Variants in CUTC observed in about 807,000 individuals in gnomAD.
CUTC encodes copper homeostasis protein cutC homolog.
A neutral mutation model predicts 36.2 loss-of-function variants in CUTC; 27 were observed. The observed-to-expected ratio is 0.75, with a 90% confidence interval of 0.55 to 1.03. The LOEUF (loss-of-function observed/expected upper bound fraction) is 1.03. Among genes scored for constraint, CUTC ranks in the 50% least tolerant of loss-of-function variants. The probability of loss-of-function intolerance (pLI) is 0.00; values close to 1 mark genes in which losing one functional copy is unlikely to be tolerated. For missense variants in CUTC, 315 were observed against 343.5 expected (o/e 0.92, Z 0.66); for synonymous variants, 114 against 118.3 (o/e 0.96, Z 0.24).
chr10:99,734,681 CA>C (rs1295164309), intron 1 of CUTC, among the ~76,000 whole-genome samples: 1 of 152,100 alleles, frequency 6.6e-6, no homozygotes, highest in Non-Finnish European at 1.5e-5. Flanking sequence ...CTGTTTACAT[CA>C]CACTTTGTAA....
At chr10:99,747,154 AGTAC>A in intron 5 of CUTC, 99 bp from the exon 6 acceptor site, 1 of 1,284,038 alleles carries the variant, frequency 7.8e-7, no homozygotes, top group Non-Finnish European at 1.1e-6. Context: ...TTTGTAAGCC[AGTAC>A]AAGCTAGGTC....
At position 99,739,712 on chromosome 10, in the gene CUTC, G is replaced by A; in HGVS notation, c.136G>A (p.Ala46Thr). Residue 46 changes from alanine (A) to threonine (T), a missense_variant and splice_region_variant, in exon 3 of 9, where the codon GCT becomes ACT. Coordinates refer to ENST00000370476, the MANE Select transcript of CUTC (RefSeq NM_015960.3). ...ESAVNAERGG[A>T]DRIELCSGLS... ...TGAGCAATGCTTTTATATTACAGGT[G>A]CTGATCGGATTGAATTATGTTCTGG... 6.2e-7 allele frequency: 1 copy of A among 1,610,818 alleles called. No homozygotes were observed. The highest frequency in any genetic ancestry group is 8.5e-7 in the Non-Finnish European group (1 of 1,178,914).
chr10:99,736,423 CATA>C, intron 2 of CUTC, 106 bp downstream of exon 2: 1 of 778,124 alleles, frequency 1.3e-6, no homozygotes, highest in Non-Finnish European at 2.1e-6. Flanking sequence ...AAGCATCCCT[CATA>C]ATGCTTTCAG....
At chr10:99,734,577 T>A (rs1443012414) in intron 1 of CUTC, among the ~76,000 whole-genome samples, 1 of 152,154 alleles carries the variant, frequency 6.6e-6, no homozygotes, top group Admixed American at 6.5e-5. Context: ...ATTACCAGTA[T>A]GTGAGGAACA....
Position 99,743,257 on chromosome 10 carries a change from A to C in CUTC, c.298A>C (p.Lys100Gln). 6.2e-7 allele frequency: 1 copy of C among 1,614,156 alleles called. No individual in the cohort carries two copies. Among genetic ancestry groups the C allele is most frequent in the Non-Finnish European group, 8.5e-7 (1 of 1,180,040 alleles). Residue 100 changes from lysine (K) to glutamine (Q), a missense_variant, in exon 4 of 9, where the codon AAG (lysine) becomes CAG (glutamine). By Grantham distance (53) the Lys-to-Gln change is moderately conservative. Coordinates refer to ENST00000370476, the MANE Select transcript of CUTC (RefSeq NM_015960.3). Reference protein sequence around the residue: ...LYSDREIEVMKADIRLAKLYG... With the variant: ...LYSDREIEVMQADIRLAKLYG... ...TTCAGATCGTGAAATTGAGGTGATGAAGGCTGACATTCGTCTTGCCAAGCT... is the reference window on the plus strand; with the variant it reads ...TTCAGATCGTGAAATTGAGGTGATGCAGGCTGACATTCGTCTTGCCAAGCT...
At position 99,755,715 on chromosome 10, in the gene CUTC, T is replaced by C. The variant is rs778530352; in HGVS notation, c.798T>C (p.Ala266=). The C allele has an allele frequency of 6.2e-7, 1 of 1,612,786 alleles. No homozygotes were observed. The highest frequency in any genetic ancestry group is 8.5e-7 in the Non-Finnish European group (1 of 1,178,806). The change falls in exon 9 of 9, where the codon GCT becomes GCC. Residue 266 remains alanine, a synonymous_variant. Coordinates refer to ENST00000370476, the MANE Select transcript of CUTC (RefSeq NM_015960.3). The part of the protein sequence containing the change: ...TDVTKVRTLN[A]IAKNILV ...TGACCAAAGTAAGGACTTTGAATGC[T>C]ATCGCAAAGAACATCCTGGTGTAGC...
At chr10:99,733,675 A>G (rs2037258532) in intron 1 of CUTC, among the ~76,000 whole-genome samples, 1 of 152,202 alleles carries the variant, frequency 6.6e-6, no homozygotes, top group Non-Finnish European at 1.5e-5. Context: ...ATTAAAGTGA[A>G]AAAGTCAAAT....
intron 1 of CUTC, 52 bp downstream of exon 1, chr10:99,732,461 G>C: frequency 1.3e-6 from 2 of 1,547,590 alleles, no homozygotes; most frequent in Non-Finnish European, 1.7e-6. Context: ...CCCCGGGGCG[G>C]GCCGGCGGGA....
intron 7 of CUTC, among the ~76,000 whole-genome samples, chr10:99,752,911 A>T (rs1054753746): frequency 6.6e-6 from 1 of 152,236 alleles, no homozygotes; most frequent in African/African-American, 2.4e-5. Flanking sequence ...TTTCATATGA[A>T]TAAGTACCAG....
chr10:99,738,937 G>C (rs2037318887), intron 2 of CUTC, among the ~76,000 whole-genome samples: 1 of 152,084 alleles, frequency 6.6e-6, no homozygotes, highest in African/African-American at 2.4e-5. Flanking sequence ...TTATGAACTA[G>C]AATAGTTCTG....
At chr10:99,732,693 T>G in intron 1 of CUTC, 1 of 1,251,270 alleles carries the variant, frequency 8.0e-7, no homozygotes, top group East Asian at 3.1e-5. Flanking sequence ...AGCTTCACGT[T>G]TTTTCCGTCG....
In CUTC at chr10:99,743,212, C is replaced by T. The variant is rs201363093; in HGVS notation, c.253C>T (p.Arg85Trp). 7.4e-5 allele frequency: 119 copies of T among 1,613,858 alleles called. No individual in the cohort carries two copies. Among genetic ancestry groups the T allele is most frequent in the Middle Eastern group, 1.6e-4 (1 of 6,084 alleles). The change falls in exon 4 of 9, where the codon CGG becomes TGG. Residue 85 changes from arginine (R) to tryptophan (W), a missense_variant. Transcript: ENST00000370476. ...QIPVFVMIRP[R>W]GGDFLYSDRE... Reference sequence around the variant, plus strand: ...CCCAGTTTTTGTGATGATTCGGCCACGGGGAGGTGATTTTTTGTATTCAGA... The same window carrying T: ...CCCAGTTTTTGTGATGATTCGGCCATGGGGAGGTGATTTTTTGTATTCAGA...
intron 1 of CUTC, 52 bp from the exon 2 acceptor site, chr10:99,736,194 G>T: frequency 6.7e-7 from 1 of 1,496,518 alleles, no homozygotes; most frequent in South Asian, 1.1e-5. Context: ...TGGTAAATTG[G>T]TCTGGATGGA....
chr10:99,751,995 G>A (rs977827643), intron 7 of CUTC, among the ~76,000 whole-genome samples: 2 of 152,134 alleles, frequency 1.3e-5, no homozygotes, highest in Admixed American at 6.5e-5. Context: ...TAAATCATGA[G>A]GTTTGAATAG....
At chr10:99,752,274 C>T (rs1362666001) in intron 7 of CUTC, among the ~76,000 whole-genome samples, 2 of 151,780 alleles carry the variant, frequency 1.3e-5, no homozygotes, top group East Asian at 1.9e-4. Flanking sequence ...CCCAGCTACT[C>T]TAGAGGCTGA....
intron 1 of CUTC, among the ~76,000 whole-genome samples, chr10:99,734,064 ATTTTTT>A (rs565604340): frequency 1.9e-5 from 2 of 103,338 alleles, no homozygotes; most frequent in Non-Finnish European, 2.0e-5. Context: ...GACTGATAGT[ATTTTTT>A]TTTTTTTTTT....
At position 99,754,626 on chromosome 10, in the gene CUTC, G is replaced by T. The variant is rs1292538009; in HGVS notation, c.699G>T (p.Met233Ile). 1.2e-6 allele frequency: 2 copies of T among 1,606,240 alleles called. No homozygotes were observed. The highest frequency in any genetic ancestry group is 4.5e-5 in the East Asian group (2 of 44,798). ...CSARSTRDSG[M>I]KFRNSSVAMG... Reference sequence around the variant, plus strand: ...CTCGGTCTACTAGAGACTCGGGAATGAAGTTTCGGTAAAAATGTATTCTTC... The same window carrying T: ...CTCGGTCTACTAGAGACTCGGGAATTAAGTTTCGGTAAAAATGTATTCTTC... Residue 233 changes from methionine to isoleucine, a missense_variant, in exon 8 of 9, where the codon ATG becomes ATT. Met to Ile is a conservative substitution (Grantham distance 10). Transcript: ENST00000370476.
At chr10:99,737,906 T>C (rs1005201920) in intron 2 of CUTC, among the ~76,000 whole-genome samples, 3 of 152,238 alleles carry the variant, frequency 2.0e-5, no homozygotes, top group Non-Finnish European at 4.4e-5. Flanking sequence ...CCCAGCACTT[T>C]GGGAGGCCGA....
chr10:99,746,877 T>C (rs1212418377), intron 5 of CUTC, among the ~76,000 whole-genome samples: 3 of 152,180 alleles, frequency 2.0e-5, no homozygotes, highest in Non-Finnish European at 4.4e-5. Context: ...GCTCAGGTGA[T>C]CCTCCCATCT....
Sources: gnomAD v4.1 joint callset for allele counts (sites outside exome capture counted in the v4.1 genomes callset) on GRCh38, gnomAD v4.1.1 for gene constraint, MANE v1.5 for transcripts, NCBI Gene and HGNC (gene_info 2026-07-23, HGNC 2026-07-21) for gene names.